ASIC2: variants seen among roughly 807,000 people sequenced by gnomAD.
ASIC2 encodes the protein acid sensing ion channel subunit 2.
ASIC2 carries 25 observed loss-of-function variants against 57.3 expected under a neutral mutation model. The ratio of observed to expected loss-of-function variants is 0.44; its 90% CI spans 0.32 to 0.61. The LOEUF (loss-of-function observed/expected upper bound fraction) is 0.61, where lower values mean the gene tolerates loss of function less well. ASIC2 is among the 20% of genes least tolerant of loss of function. The pLI, the probability that ASIC2 is intolerant of heterozygous loss-of-function variation, is 0.06. For synonymous variants in ASIC2, 319 were observed against 307.5 expected (o/e 1.04, Z -0.39); for missense variants, 641 against 738.1 (o/e 0.87, Z 1.52).
chr17:34,154,642 G>C (rs1024203809), intron 1 of ASIC2, among the ~76,000 whole-genome samples: 5 of 152,196 alleles, frequency 3.3e-5, no homozygotes, highest in Non-Finnish European at 7.3e-5. Flanking sequence ...GAATCCAAGA[G>C]GGGGTAGGGA....
intron 1 of ASIC2, among the ~76,000 whole-genome samples, chr17:34,017,049 G>A (rs1008333177): frequency 1.2e-4 from 18 of 152,196 alleles, no homozygotes; most frequent in East Asian, 9.6e-4. Flanking sequence ...ATTGCACCAT[G>A]ATTTAATACA....
At chr17:33,731,240 G>T (rs1451619344) in intron 1 of ASIC2, among the ~76,000 whole-genome samples, 3 of 152,206 alleles carry the variant, frequency 2.0e-5, no homozygotes, top group Non-Finnish European at 4.4e-5. Context: ...TTGCTCCTTT[G>T]TCAGGTGTTT....
chr17:33,445,913 T>C (rs1467306007), intron 1 of ASIC2, among the ~76,000 whole-genome samples: 1 of 151,758 alleles, frequency 6.6e-6, no homozygotes, highest in East Asian at 1.9e-4. Context: ...AACAAACATA[T>C]ACTATTCCTG....
At chr17:33,305,223 C>T (rs1906120896) in intron 1 of ASIC2, among the ~76,000 whole-genome samples, 1 of 152,124 alleles carries the variant, frequency 6.6e-6, no homozygotes. Context: ...TCAGAGATAT[C>T]AAATGGTTTA....
intron 1 of ASIC2, among the ~76,000 whole-genome samples, chr17:33,330,607 G>C (rs763262053): frequency 2.5e-4 from 38 of 152,254 alleles, no homozygotes; most frequent in Middle Eastern, 3.4e-3. Context: ...CCAGCATTCA[G>C]ACCTGTCTCT....
intron 1 of ASIC2, among the ~76,000 whole-genome samples, chr17:33,863,516 T>C (rs1399077113): frequency 6.6e-6 from 1 of 152,198 alleles, no homozygotes; most frequent in Non-Finnish European, 1.5e-5. Context: ...TAAGCAGAAC[T>C]TGTCTCCCAC....
At chr17:34,042,429 C>T (rs772765820) in intron 1 of ASIC2, among the ~76,000 whole-genome samples, 4 of 151,736 alleles carry the variant, frequency 2.6e-5, no homozygotes, top group Non-Finnish European at 4.4e-5. Flanking sequence ...GTAATTATCC[C>T]GAGTAAAAGA....
At chr17:33,836,546 A>T (rs1913280554) in intron 1 of ASIC2, among the ~76,000 whole-genome samples, 1 of 152,104 alleles carries the variant, frequency 6.6e-6, no homozygotes, top group Non-Finnish European at 1.5e-5. Context: ...TAAGGAAACT[A>T]AGGCTTGCTG....
At chr17:33,802,649 T>C (rs995078480) in intron 1 of ASIC2, among the ~76,000 whole-genome samples, 1 of 152,238 alleles carries the variant, frequency 6.6e-6, no homozygotes, top group Non-Finnish European at 1.5e-5. Context: ...ATATTTGCTT[T>C]CTTCCTGGTT....
intron 1 of ASIC2, among the ~76,000 whole-genome samples, chr17:33,707,861 G>A (rs867053102): frequency 1.3e-5 from 2 of 152,170 alleles, no homozygotes; most frequent in Non-Finnish European, 2.9e-5. Flanking sequence ...TTTAAAGGAC[G>A]ATCAACTGAC....
chr17:34,156,653 C>A lies in ASIC2; in HGVS notation c.-121G>T. ...GGGAGAGAACGCAAGGCAAGCATCGCGCCAGATGCTGTGAGTTTATCCTGA... is the reference window on the plus strand; with the variant it reads ...GGGAGAGAACGCAAGGCAAGCATCGAGCCAGATGCTGTGAGTTTATCCTGA... On this transcript the variant is annotated 5_prime_UTR_variant, in exon 1 of 10. Coordinates refer to the ASIC2 transcript ENST00000359872. The surrounding 1 kb of genome is among the most constrained non-coding windows in gnomAD (Gnocchi z 4.4). 1 of 1,062,002 alleles carries A rather than the reference C, an allele frequency of 9.4e-7. No homozygotes were observed. The highest frequency in any genetic ancestry group is 2.6e-5 in the East Asian group (1 of 38,506). 65.8% of individuals were successfully genotyped at this position (1,062,002 alleles called of 1,614,324 possible). A position where few individuals can be genotyped will look rare whatever the true frequency, so the allele number is the denominator to read the frequency against.
intron 1 of ASIC2, among the ~76,000 whole-genome samples, chr17:33,212,195 T>A (rs1907302783): frequency 6.6e-6 from 1 of 152,186 alleles, no homozygotes; most frequent in African/African-American, 2.4e-5. Context: ...TATTACCTTA[T>A]AAGGCAAAAG....
intron 2 of ASIC2, chr17:33,100,220 A>G (rs1052254074): frequency 6.6e-6 from 1 of 152,226 alleles, no homozygotes; most frequent in African/African-American, 2.4e-5. Flanking sequence ...GAATATCTAC[A>G]TTTTTGCAGA....
chr17:33,030,685 G>C (rs1453733270), intron 3 of ASIC2, among the ~76,000 whole-genome samples: 2 of 151,990 alleles, frequency 1.3e-5, no homozygotes, highest in Non-Finnish European at 2.9e-5. Context: ...AGAAAGTTCT[G>C]TCTTATTTCT....
At chr17:34,083,869 G>A in intron 1 of ASIC2, among the ~76,000 whole-genome samples, 1 of 152,014 alleles carries the variant, frequency 6.6e-6, no homozygotes, top group East Asian at 1.9e-4. Context: ...TGACGGGGTT[G>A]TTTGTTTTTT....
intron 1 of ASIC2, among the ~76,000 whole-genome samples, chr17:33,365,036 T>A (rs527811962): frequency 6.6e-6 from 1 of 152,214 alleles, no homozygotes; most frequent in Non-Finnish European, 1.5e-5. Flanking sequence ...AGCACGGATA[T>A]GAGGCCTTTC....
At chr17:33,507,281 C>T (rs149577393) in intron 1 of ASIC2, among the ~76,000 whole-genome samples, 168 of 152,318 alleles carry the variant, frequency 1.1e-3, no homozygotes, top group African/African-American at 3.8e-3. Flanking sequence ...CCAGAGAGGG[C>T]CCACAGACTC....
intron 1 of ASIC2, among the ~76,000 whole-genome samples, chr17:33,621,655 T>C (rs1269609686): frequency 6.6e-6 from 1 of 152,176 alleles, no homozygotes; most frequent in Non-Finnish European, 1.5e-5. Context: ...TTGGGGTCAG[T>C]GTGTCGGAAT....
rs1413257736 is a variant in ASIC2 at position 34,021,928 on chromosome 17, C to A, written c.555+134050G>T. On this transcript the variant is annotated intron_variant, in intron 1 of 9. Coordinates refer to the ASIC2 transcript ENST00000359872. ...TCTCGGCTCACTGCAAACTCCACCT[C>A]CTGGGCTCACGCCATTCTCTTGTCT... Among the ~76,000 whole-genome samples, 8 of 149,798 alleles carry A rather than the reference C, an allele frequency of 5.3e-5. No individual in the cohort carries two copies. The South Asian group carries it at 1.7e-3, about 32-fold the overall frequency.
Sources: gnomAD v4.1 joint callset for allele counts (sites outside exome capture counted in the v4.1 genomes callset) on GRCh38, gnomAD v4.1.1 for gene constraint, Gnocchi (gnomAD v3.1) non-coding constraint, MANE v1.5 for transcripts, NCBI Gene and HGNC (gene_info 2026-07-23, HGNC 2026-07-21) for gene names.